Variants in RAB5IF observed in about 807,000 individuals in gnomAD.
RAB5IF encodes the protein RAB5 interacting factor.
Under a neutral mutation model 20.3 loss-of-function variants are expected in RAB5IF, and 15 were observed. That is an observed-to-expected ratio of 0.74 (90% CI 0.50 to 1.14). The LOEUF (loss-of-function observed/expected upper bound fraction) is 1.14, where lower values mean the gene tolerates loss of function less well. Among genes scored for constraint, RAB5IF ranks in the 50% most tolerant of loss-of-function variants. RAB5IF has a pLI of 0.00. For synonymous variants in RAB5IF, 67 were observed against 63.7 expected, an observed-to-expected ratio of 1.05 and a Z score of -0.25; for missense variants, 148 against 159.5, an observed-to-expected ratio of 0.93 and a Z score of 0.39.
At chr20:36,610,362 A>G (rs1355918988) in intron 3 of RAB5IF, among the ~76,000 whole-genome samples, 1 of 152,200 alleles carries the variant, frequency 6.6e-6, no homozygotes, top group East Asian at 1.9e-4. Context: ...TGATGAATGG[A>G]TAAGATACTA....
chr20:36,612,449 G>A lies in RAB5IF; in HGVS notation c.*398G>A, dbSNP rs11540276. The A allele has an allele frequency of 0.041, 23,903 of 585,362 alleles. 707 individuals are homozygous for A. Among genetic ancestry groups the A allele is most frequent in the Admixed American group, 0.11 (3,600 of 33,566 alleles). 36.3% of individuals were successfully genotyped at this position (585,362 alleles called of 1,614,324 possible). On this transcript the variant is annotated 3_prime_UTR_variant, in exon 4 of 4. Coordinates refer to ENST00000344795, the MANE Select transcript of RAB5IF (RefSeq NM_018840.5). ...ATGGCATTTCAAGTCTTCTGAAACA[G>A]CATGGCTGTATGTGCGTGGTCCATA...
rs969516556 is a variant in RAB5IF, at chr20:36,607,627, G to C, written c.115-88G>C. ...GGGGGGAAACAAATTTCCTGGATAT[G>C]TTTAGCAGAAAGGTTTAATATTCTC... is the stretch of plus-strand genomic sequence containing the variant. On this transcript the variant is annotated intron_variant, in intron 1 of 3. Transcript: ENST00000344795. 5.3e-6 allele frequency: 8 copies of C among 1,511,646 alleles called. No individual in the cohort carries two copies. The Middle Eastern group carries it at 7.6e-4, about 144-fold the overall frequency. The allele number at this position is 1,511,646 out of a possible 1,614,324, so 93.6% of individuals were successfully genotyped here. A position where few individuals can be genotyped will look rare whatever the true frequency, so the allele number is the denominator to read the frequency against.
chr20:36,609,863 GC>G, intron 3 of RAB5IF, 133 bp downstream of exon 3: 1 of 1,522,462 alleles, frequency 6.6e-7, no homozygotes, highest in Non-Finnish European at 9.0e-7. Context: ...GAGGCTCAGG[GC>G]CATGGCCTGT....
rs778896266 is a variant in RAB5IF at position 36,609,581 on chromosome 20, C to T, written c.219-20C>T. 25 of 1,561,332 alleles carry T rather than the reference C, an allele frequency of 1.6e-5. No homozygotes were observed. In the East Asian group the frequency reaches 4.8e-4, roughly 30 times the overall value. On this transcript the variant is annotated intron_variant, in intron 2 of 3. Transcript: ENST00000344795. ...CTAAGCTTTCAATTTATGTTTGGTA[C>T]TTGTTCTCTGTTGCTCCAGATTCTG...
At chr20:36,609,258 A>ACACACACACACACACACACACACACAC (rs1555790847) in intron 2 of RAB5IF, among the ~76,000 whole-genome samples, 2 of 99,150 alleles carry the variant, frequency 2.0e-5, no homozygotes, top group Non-Finnish European at 4.1e-5. Flanking sequence ...CACACACACT[A>ACACACACACACACACACACACACACAC]TATATAGAGT....
At position 36,605,992 on chromosome 20, in the gene RAB5IF, A is replaced by G; in HGVS notation, c.41A>G (p.Gln14Arg). The change falls in exon 1 of 4, where the codon CAG becomes CGG. Residue 14 changes from glutamine to arginine, a missense_variant. Gln to Arg is a conservative substitution (Grantham distance 43). Transcript: ENST00000344795. ...GRRKEEPPQP[Q>R]LANGALKVSV... ...CGGAAGGAGGAGCCGCCTCAGCCGC[A>G]GCTGGCCAACGGGGCCCTCAAAGTC... 1 of 1,524,662 alleles carries G rather than the reference A, an allele frequency of 6.6e-7. No homozygotes were observed. The highest frequency in any genetic ancestry group is 2.6e-5 in the East Asian group (1 of 38,664). 94.4% of individuals were successfully genotyped at this position (1,524,662 alleles called of 1,614,324 possible).
Position 36,609,194 on chromosome 20 carries a change from CGCACACACGCACACACGCACACACG to C in RAB5IF, c.219-406_219-382del, listed in dbSNP as rs1568595469. On this transcript the variant is annotated intron_variant, in intron 2 of 3. Transcript: ENST00000344795. ...ACACACACACACACACACACACACA[CGCACACACGCACACACGCACACACG>C]CACACACACACACACACACACACAC... Among the ~76,000 whole-genome samples the C allele has an allele frequency of 4.8e-3, 207 of 43,286 alleles. 2 individuals carry two copies. The highest frequency in any genetic ancestry group is 0.022 in the African/African-American group (194 of 8,654). The allele number at this position is 43,286 out of a possible 152,430, so 28.4% of individuals were successfully genotyped here. A position where few individuals can be genotyped will look rare whatever the true frequency, so the allele number is the denominator to read the frequency against.
chr20:36,609,159 A>ATACACACACACACACACACACACACC (rs2039014509), intron 2 of RAB5IF, among the ~76,000 whole-genome samples: 1 of 6,018 alleles, frequency 1.7e-4, no homozygotes, highest in Non-Finnish European at 4.2e-4. Flanking sequence ...ACTATATTAC[A>ATACACACACACACACACACACACACC]CACACACACA....
chr20:36,607,926 T>TGA (rs1218501582), intron 2 of RAB5IF, 108 bp downstream of exon 2: 6 of 1,545,124 alleles, frequency 3.9e-6, no homozygotes, highest in African/African-American at 2.7e-5. Context: ...TGTGTGTGTG[T>TGA]GATGACTAAA....
intron 1 of RAB5IF, 63 bp downstream of exon 1, chr20:36,606,128 A>T (rs2038928241): frequency 2.9e-6 from 3 of 1,044,192 alleles, no homozygotes; most frequent in South Asian, 3.7e-5. Flanking sequence ...GGAACGGAAG[A>T]CTGGCGCGGG....
chr20:36,605,852 G>T lies in RAB5IF; in HGVS notation c.-100G>T, dbSNP rs2038918795. On this transcript the variant is annotated 5_prime_UTR_variant, in exon 1 of 4. Transcript: ENST00000344795. Reference sequence around the variant, plus strand: ...GCGCGCCGCAGGACCGGGCCGCTGAGCCTGCAGCCGCCCCGCGCCGTGACC... The same window carrying T: ...GCGCGCCGCAGGACCGGGCCGCTGATCCTGCAGCCGCCCCGCGCCGTGACC... The T allele has an allele frequency of 5.1e-6, 3 of 590,864 alleles. No individual in the cohort carries two copies. Among genetic ancestry groups the T allele is most frequent in the Non-Finnish European group, 7.9e-6 (3 of 379,074 alleles). The allele number at this position is 590,864 out of a possible 1,614,324, so 36.6% of individuals were successfully genotyped here.
At position 36,606,075 on chromosome 20, in the gene RAB5IF, A is replaced by C. The variant is rs778565876; in HGVS notation, c.114+10A>C. On this transcript the variant is annotated intron_variant, in intron 1 of 3. Transcript: ENST00000344795. ...GGCCTGGGAGGATAAGGTACGGTGG[A>C]GTCTGAACAGGGCGCGGGTGCGAGG... The C allele has an allele frequency of 4.2e-6, 6 of 1,423,582 alleles. No individual in the cohort carries two copies. The highest frequency in any genetic ancestry group is 5.6e-6 in the Non-Finnish European group (6 of 1,067,094). 88.2% of individuals were successfully genotyped at this position (1,423,582 alleles called of 1,614,324 possible).
chr20:36,612,275 CACCA>C lies in RAB5IF; in HGVS notation c.*229_*232del. The C allele has an allele frequency of 6.5e-7, 1 of 1,546,446 alleles. No homozygotes were observed. Among genetic ancestry groups the C allele is most frequent in the Non-Finnish European group, 8.9e-7 (1 of 1,119,130 alleles). The stretch of plus-strand genomic sequence containing the variant: ...GGGAAGCATTTCTGAATTTATCCAT[CACCA>C]ACCATTTCTTCTTGGATACCATCAA... On this transcript the variant is annotated 3_prime_UTR_variant, in exon 4 of 4. Coordinates refer to ENST00000344795, the MANE Select transcript of RAB5IF (RefSeq NM_018840.5).
In RAB5IF at chr20:36,609,257, T is replaced by A. The variant is rs56271534; in HGVS notation, c.219-344T>A. ...CACACACACACACACACACACACAC[T>A]ATATATAGAGTTTCGCTGTTGCCCA... On this transcript the variant is annotated intron_variant, in intron 2 of 3. Coordinates refer to ENST00000344795, the MANE Select transcript of RAB5IF (RefSeq NM_018840.5). Among the ~76,000 whole-genome samples, 96 of 81,236 alleles carry A rather than the reference T, an allele frequency of 1.2e-3. 2 individuals carry two copies. The highest frequency in any genetic ancestry group is 6.2e-3 in the Middle Eastern group (1 of 162). The allele number at this position is 81,236 out of a possible 152,430, so 53.3% of individuals were successfully genotyped here. A position where few individuals can be genotyped will look rare whatever the true frequency, so the allele number is the denominator to read the frequency against.
intron 2 of RAB5IF, among the ~76,000 whole-genome samples, chr20:36,608,682 G>T (rs1163107494): frequency 6.7e-6 from 1 of 150,146 alleles, no homozygotes; most frequent in Non-Finnish European, 1.5e-5. Flanking sequence ...TTCTGCCTCA[G>T]ACTCCCAAGT....
At chr20:36,611,764 C>T (rs551957157) in intron 3 of RAB5IF, among the ~76,000 whole-genome samples, 1 of 152,168 alleles carries the variant, frequency 6.6e-6, no homozygotes, top group East Asian at 1.9e-4. Context: ...TTCCCTGGGC[C>T]TGGGGTTGCC....
At chr20:36,609,224 C>CTATATATAGAGTTTTTGGAGA (rs1568595634) in intron 2 of RAB5IF, among the ~76,000 whole-genome samples, 1 of 120,174 alleles carries the variant, frequency 8.3e-6, no homozygotes, top group African/African-American at 3.7e-5. Context: ...CACACGCACA[C>CTATATATAGAGTTTTTGGAGA]ACACACACAC....
At chr20:36,607,539 A>G (rs889185217) in intron 1 of RAB5IF, among the ~76,000 whole-genome samples, 176 bp from the exon 2 acceptor site, 2 of 152,252 alleles carry the variant, frequency 1.3e-5, no homozygotes, top group South Asian at 2.1e-4. Context: ...CCCTAAATGT[A>G]TCATTTCTAC....
Position 36,607,870 on chromosome 20 carries a change from G to A in RAB5IF, c.218+52G>A, listed in dbSNP as rs758011820. The A allele has an allele frequency of 3.1e-5, 50 of 1,607,292 alleles. No individual in the cohort carries two copies. The East Asian group carries it at 7.2e-4, about 23-fold the overall frequency. ...ATGGTATCATTTCTTTTTAAATAGAGGCTTTTTTTCCTGTTACAGGAAAGG... is the reference window on the plus strand; with the variant it reads ...ATGGTATCATTTCTTTTTAAATAGAAGCTTTTTTTCCTGTTACAGGAAAGG... On this transcript the variant is annotated intron_variant, in intron 2 of 3. Coordinates refer to ENST00000344795, the MANE Select transcript of RAB5IF (RefSeq NM_018840.5).
Sources: gnomAD v4.1 joint callset for allele counts (sites outside exome capture counted in the v4.1 genomes callset) on GRCh38, gnomAD v4.1.1 for gene constraint, MANE v1.5 for transcripts, NCBI Gene and HGNC (gene_info 2026-07-23, HGNC 2026-07-21) for gene names.